Variants in ZNF541 observed in about 807,000 individuals in gnomAD.
ZNF541 encodes zinc finger protein 541.
In ZNF541, 23 loss-of-function variants were observed where a neutral mutation model predicts 123.5. The observed-to-expected ratio is 0.19, with a 90% CI of 0.13 to 0.26. The LOEUF (loss-of-function observed/expected upper bound fraction) is 0.26. ZNF541 is among the 10% of genes least tolerant of loss of function. The pLI is 1.00. For synonymous variants in ZNF541, 751 were observed against 754.5 expected, an observed-to-expected ratio of 1.00 and a Z score of 0.08; for missense variants, 1,612 against 1,789.9, an observed-to-expected ratio of 0.90 and a Z score of 1.79.
intron 4 of ZNF541, 146 bp downstream of exon 4, chr19:47,549,099 G>T: frequency 8.9e-7 from 1 of 1,124,824 alleles, no homozygotes; most frequent in Non-Finnish European, 1.2e-6. Context: ...GGCTGTGGCT[G>T]CGGCTGAGCA....
intron 5 of ZNF541, 55 bp from the exon 6 acceptor site, chr19:47,541,006 G>A (rs1364323702): frequency 6.7e-6 from 10 of 1,493,550 alleles, no homozygotes; most frequent in Non-Finnish European, 8.2e-6. Flanking sequence ...GGCAAGAAGA[G>A]CTCAAATTAC....
Position 47,540,166 on chromosome 19 carries a change from C to G in ZNF541, c.2622+10G>C. The G allele has an allele frequency of 6.5e-7, 1 of 1,548,248 alleles. No individual in the cohort carries two copies. The highest frequency in any genetic ancestry group is 8.7e-7 in the Non-Finnish European group (1 of 1,146,066). On this transcript the variant is annotated intron_variant, in intron 7 of 16. Transcript: ENST00000391901. ...CAGTAACCACCAAGCCACTGGTCGT[C>G]CCCCTTCACCTGCGGTTCCTGCTTC...
chr19:47,529,257 G>C (rs945292238), intron 13 of ZNF541, among the ~76,000 whole-genome samples: 1 of 152,338 alleles, frequency 6.6e-6, no homozygotes, highest in Admixed American at 6.5e-5. Flanking sequence ...CTAAAGGCAG[G>C]TGGGGGCCCT....
At chr19:47,539,297 CTTTT>C (rs1001789975) in intron 8 of ZNF541, among the ~76,000 whole-genome samples, 2 of 125,826 alleles carry the variant, frequency 1.6e-5, no homozygotes, top group African/African-American at 3.0e-5. Context: ...TCAAGATTTT[CTTTT>C]TTTTTTTTTT....
intron 14 of ZNF541, among the ~76,000 whole-genome samples, chr19:47,524,854 G>A (rs1045478444): frequency 1.3e-5 from 2 of 152,050 alleles, no homozygotes; most frequent in African/African-American, 4.8e-5. Context: ...CTCCAGCTTG[G>A]GCGACAGAGT....
intron 2 of ZNF541, among the ~76,000 whole-genome samples, chr19:47,567,700 T>C (rs1265536413): frequency 6.6e-6 from 1 of 152,204 alleles, no homozygotes; most frequent in Non-Finnish European, 1.5e-5. Flanking sequence ...CAATGCTGAG[T>C]CCACATTCCT....
At position 47,545,998 on chromosome 19, in the gene ZNF541, C is replaced by T. The variant is rs1018564256; in HGVS notation, c.549-18G>A. On this transcript the variant is annotated intron_variant, in intron 4 of 16. Coordinates refer to ENST00000391901, the MANE Select transcript of ZNF541 (RefSeq NM_001277075.3). The surrounding 1 kb of genome is among the most constrained non-coding windows in gnomAD (Gnocchi z 7.5). ...GCCCGGTCCTGGAGCCAGACACAAGCAGGGGCGTCACCGGGGCACCTGGGA... is the reference window on the plus strand; with the variant it reads ...GCCCGGTCCTGGAGCCAGACACAAGTAGGGGCGTCACCGGGGCACCTGGGA... The T allele has an allele frequency of 4.2e-6, 6 of 1,444,668 alleles. No individual in the cohort carries two copies. The highest frequency in any genetic ancestry group is 5.5e-6 in the Non-Finnish European group (6 of 1,092,528). The allele number at this position is 1,444,668 out of a possible 1,614,324, so 89.5% of individuals were successfully genotyped here.
intron 14 of ZNF541, 98 bp downstream of exon 14, chr19:47,528,852 T>C: frequency 1.1e-6 from 1 of 877,176 alleles, no homozygotes; most frequent in Non-Finnish European, 1.8e-6. Flanking sequence ...CACAGGCAGG[T>C]GAGGGTGGGG....
intron 9 of ZNF541, among the ~76,000 whole-genome samples, chr19:47,533,300 C>A (rs1044099743): frequency 4.0e-5 from 5 of 125,248 alleles, no homozygotes; most frequent in Non-Finnish European, 4.8e-5. Flanking sequence ...GCGGAGCTTG[C>A]GGTGAGCCGA....
chr19:47,547,838 G>C (rs1456852665), intron 4 of ZNF541, among the ~76,000 whole-genome samples: 1 of 151,460 alleles, frequency 6.6e-6, no homozygotes, highest in African/African-American at 2.4e-5. Context: ...CTTTGGGGAG[G>C]CCGAGTCACG....
intron 2 of ZNF541, among the ~76,000 whole-genome samples, chr19:47,570,599 A>AG (rs1186225824): frequency 4.0e-5 from 6 of 150,084 alleles, no homozygotes; most frequent in Non-Finnish European, 7.4e-5. Flanking sequence ...AAAAAAAAAA[A>AG]AGCGCATTTT....
At chr19:47,527,227 G>C (rs939496805) in intron 14 of ZNF541, among the ~76,000 whole-genome samples, 10 of 152,176 alleles carry the variant, frequency 6.6e-5, no homozygotes, top group Non-Finnish European at 1.3e-4. Context: ...AGGGCTGAGG[G>C]ACATGCTCAT....
In ZNF541 at chr19:47,544,901, AGGAAGAGCTGGC is replaced by A. The variant is rs997530890; in HGVS notation, c.1616_1627del (p.Arg539_Phe542del). On this transcript the variant is annotated inframe_deletion, in exon 5 of 17. Coordinates refer to ENST00000391901, the MANE Select transcript of ZNF541 (RefSeq NM_001277075.3). ...GCTCACAAGAGGTTCCTGCGACTTG[AGGAAGAGCTGGC>A]GGAAGAGCGGCGAGGCATCCGCAGG... The A allele has an allele frequency of 3.1e-5, 48 of 1,535,942 alleles. No individual in the cohort carries two copies. The highest frequency in any genetic ancestry group is 3.8e-5 in the Non-Finnish European group (44 of 1,146,784).
At chr19:47,540,111 C>T in intron 7 of ZNF541, 65 bp downstream of exon 7, 6 of 1,500,304 alleles carry the variant, frequency 4.0e-6, no homozygotes, top group Non-Finnish European at 4.4e-6. Flanking sequence ...ACACCAATCT[C>T]GTTTACTCCC....
In ZNF541 at chr19:47,545,148, G is replaced by C; in HGVS notation, c.1381C>G (p.Pro461Ala). 6.7e-7 allele frequency: 1 copy of C among 1,485,744 alleles called. No homozygotes were observed. Among genetic ancestry groups the C allele is most frequent in the East Asian group, 2.5e-5 (1 of 40,044 alleles). 92.0% of individuals were successfully genotyped at this position (1,485,744 alleles called of 1,614,324 possible). A position where few individuals can be genotyped will look rare whatever the true frequency, so the allele number is the denominator to read the frequency against. The part of the protein sequence containing the change: ...PSSGSPSEES[P>A]PGPGGGLEDA... ...TCCAGGCCACCGCCGGGGCCGGGCGGGGACTCCTCCGAGGGGCTTCCGCTG... is the reference window on the plus strand; with the variant it reads ...TCCAGGCCACCGCCGGGGCCGGGCGCGGACTCCTCCGAGGGGCTTCCGCTG... The change falls in exon 5 of 17, where the codon CCG (proline) becomes GCG (alanine). Residue 461 changes from proline (P) to alanine (A), a missense_variant. By Grantham distance (27) the Pro-to-Ala change is conservative (BLOSUM62 -1). Around this residue, in one of 5 missense-constraint regions of ZNF541, gnomAD observed 1,080 missense variants for 1,013.8 expected, o/e 1.07. Transcript: ENST00000391901. The surrounding 1 kb of genome is among the most constrained non-coding windows in gnomAD (Gnocchi z 7.5).
chr19:47,565,915 G>C (rs973934014), intron 2 of ZNF541, among the ~76,000 whole-genome samples: 1 of 152,054 alleles, frequency 6.6e-6, no homozygotes, highest in Non-Finnish European at 1.5e-5. Context: ...AGTGGCTCAC[G>C]TCTGTAATCC....
chr19:47,553,685 T>C lies in ZNF541; in HGVS notation c.307+1865A>G, dbSNP rs576779811. Among the ~76,000 whole-genome samples the C allele has an allele frequency of 1.5e-4, 23 of 152,246 alleles. No individual in the cohort carries two copies. In the South Asian group the frequency reaches 2.1e-3, roughly 14 times the overall value. On this transcript the variant is annotated intron_variant, in intron 3 of 16. Coordinates refer to ENST00000391901, the MANE Select transcript of ZNF541 (RefSeq NM_001277075.3). ...TCCCAAAGTGCTGGGATTACAGGCG[T>C]GAGCCACCACGCCTGGCCAAATTAT... is the stretch of plus-strand genomic sequence containing the variant.
intron 8 of ZNF541, 182 bp from the exon 9 acceptor site, chr19:47,538,621 C>T (rs1050467059): frequency 3.4e-6 from 2 of 582,420 alleles, no homozygotes; most frequent in Admixed American, 3.4e-5. Context: ...TGGCGATGAT[C>T]CGGCTGCAGC....
chr19:47,544,044 T>G, intron 5 of ZNF541, 82 bp downstream of exon 5: 4 of 1,422,706 alleles, frequency 2.8e-6, no homozygotes, highest in Non-Finnish European at 3.7e-6. Flanking sequence ...CTCTCTGAAA[T>G]GAAATAAAAT....
Sources: gnomAD v4.1 joint callset for allele counts (sites outside exome capture counted in the v4.1 genomes callset) on GRCh38, gnomAD v4.1.1 for gene constraint, gnomAD v4.1.1 regional missense constraint, Gnocchi (gnomAD v3.1) non-coding constraint, MANE v1.5 for transcripts, NCBI Gene and HGNC (gene_info 2026-07-23, HGNC 2026-07-21) for gene names.